Variants in SRP54 observed in about 807,000 individuals in gnomAD.
SRP54 encodes signal recognition particle 54, also known as signal recognition particle subunit SRP54.
In SRP54, 10 loss-of-function variants were observed where a neutral mutation model predicts 64.8. The ratio of observed to expected loss-of-function variants is 0.15; its 90% CI spans 0.10 to 0.26. The LOEUF (loss-of-function observed/expected upper bound fraction) is 0.26. Among genes scored for constraint, SRP54 ranks in the 10% least tolerant of loss-of-function variants. The probability of loss-of-function intolerance (pLI) is 1.00; values close to 1 mark genes in which losing one functional copy is unlikely to be tolerated. For synonymous variants in SRP54, 193 were observed against 185.6 expected, an observed-to-expected ratio of 1.04 and a Z score of -0.32; for missense variants, 325 against 613.7, an observed-to-expected ratio of 0.53 and a Z score of 4.97.
chr14:34,988,584 T>TATATATATATATAACATATATATATAAC (rs2043936551), intron 1 of SRP54, among the ~76,000 whole-genome samples: 1 of 74,916 alleles, frequency 1.3e-5, no homozygotes, highest in African/African-American at 4.5e-5. Flanking sequence ...AAAAAATATA[T>TATATATATATATAACATATATATATAAC]ATATATATAT....
chr14:34,989,069 G>A (rs996466919), intron 1 of SRP54, among the ~76,000 whole-genome samples: 1 of 152,076 alleles, frequency 6.6e-6, no homozygotes. Context: ...TGAATGTTTT[G>A]ATTTGTAGTT....
chr14:35,001,073 C>T (rs1472116920), intron 4 of SRP54, 53 bp downstream of exon 4: 12 of 833,614 alleles, frequency 1.4e-5, no homozygotes, highest in East Asian at 2.8e-5. Context: ...GATAAAAAAG[C>T]GTTAGCACTA....
chr14:35,020,597 T>C (rs1393455127), intron 13 of SRP54, among the ~76,000 whole-genome samples: 2 of 152,222 alleles, frequency 1.3e-5, no homozygotes, highest in Non-Finnish European at 2.9e-5. Context: ...TATTTTTTTG[T>C]AGTCTCTTTT....
intron 2 of SRP54, among the ~76,000 whole-genome samples, chr14:34,999,290 C>T (rs1232870963): frequency 6.6e-6 from 1 of 152,066 alleles, no homozygotes; most frequent in Non-Finnish European, 1.5e-5. Context: ...GTTGGGATTA[C>T]AGGCGTGAGC....
At chr14:34,998,868 A>G (rs1003549101) in intron 2 of SRP54, among the ~76,000 whole-genome samples, 15 of 151,890 alleles carry the variant, frequency 9.9e-5, no homozygotes, top group African/African-American at 3.6e-4. Context: ...ACCACTACAT[A>G]ATAGTGACAG....
chr14:35,013,654 T>TATAG, intron 9 of SRP54, 148 bp from the exon 10 acceptor site: 1 of 1,042,778 alleles, frequency 9.6e-7, no homozygotes, highest in Non-Finnish European at 1.4e-6. Flanking sequence ...GCCTGTCTGA[T>TATAG]ATAGGTCTAT....
At chr14:35,007,597 AAT>A (rs1196005311) in intron 5 of SRP54, among the ~76,000 whole-genome samples, 2 of 146,066 alleles carry the variant, frequency 1.4e-5, no homozygotes, top group Non-Finnish European at 3.0e-5. Context: ...ATTATAATAA[AAT>A]ATATTTACAT....
Position 35,029,362 on chromosome 14 carries a change from G to T in SRP54, c.*210G>T. 4.6e-5 allele frequency: 19 copies of T among 412,452 alleles called. No homozygotes were observed. The highest frequency in any genetic ancestry group is 2.2e-4 in the South Asian group (5 of 22,456). 25.5% of individuals were successfully genotyped at this position (412,452 alleles called of 1,614,324 possible). On this transcript the variant is annotated 3_prime_UTR_variant, in exon 16 of 16. Transcript: ENST00000216774. ...TAAGGGAGAAATACATGGTTTTTGT[G>T]GAAATCATTATATGTTTGCTTTAGA... is the stretch of plus-strand genomic sequence containing the variant.
intron 1 of SRP54, among the ~76,000 whole-genome samples, chr14:34,985,895 C>G (rs903557452): frequency 5.3e-5 from 8 of 152,202 alleles, no homozygotes; most frequent in Non-Finnish European, 1.0e-4. Flanking sequence ...TGAAATAACG[C>G]ATTGCTTGAG....
intron 11 of SRP54, among the ~76,000 whole-genome samples, chr14:35,016,832 T>G (rs808937): frequency 1.7e-5 from 1 of 57,576 alleles, no homozygotes; most frequent in African/African-American, 3.9e-5. Flanking sequence ...TCTTTGCCCC[T>G]TTTTTTTCTT....
In SRP54 at chr14:34,998,992, TGTGTGTGTGTGTGTGTGTGTGG is replaced by T. The variant is rs1170900453; in HGVS notation, c.79-565_79-544del. Among the ~76,000 whole-genome samples the T allele has an allele frequency of 3.5e-3, 335 of 96,634 alleles. 4 individuals carry two copies. The highest frequency in any genetic ancestry group is 0.011 in the African/African-American group (327 of 30,490). 63.4% of individuals were successfully genotyped at this position (96,634 alleles called of 152,430 possible). A position where few individuals can be genotyped will look rare whatever the true frequency, so the allele number is the denominator to read the frequency against. On this transcript the variant is annotated intron_variant, in intron 2 of 15. Coordinates refer to ENST00000216774, the MANE Select transcript of SRP54 (RefSeq NM_003136.4). Reference sequence around the variant, plus strand: ...GTGTGTATGTGTGTGTGTGTGTGTGTGTGTGTGTGTGTGTGTGTGTGGTTTTTTTTTTTTTTTTTTGAGACAA... The same window carrying T: ...GTGTGTATGTGTGTGTGTGTGTGTGTTTTTTTTTTTTTTTTTTTGAGACAA...
chr14:34,988,595 AAC>A (rs1566640552), intron 1 of SRP54, among the ~76,000 whole-genome samples: 4 of 120,280 alleles, frequency 3.3e-5, no homozygotes, highest in African/African-American at 1.2e-4. Context: ...ATATATATAT[AAC>A]ATATATATAT....
At chr14:35,006,247 A>G (rs1191841195) in intron 4 of SRP54, among the ~76,000 whole-genome samples, 1 of 152,238 alleles carries the variant, frequency 6.6e-6, no homozygotes, top group Non-Finnish European at 1.5e-5. Flanking sequence ...CTCTAAATGT[A>G]GTAACTTTAC....
At chr14:35,007,074 T>G (rs562475469) in intron 4 of SRP54, among the ~76,000 whole-genome samples, 11 of 152,110 alleles carry the variant, frequency 7.2e-5, no homozygotes, top group Admixed American at 6.6e-4. Flanking sequence ...GTGCCTGTAG[T>G]CCCAGTTACT....
intron 3 of SRP54, among the ~76,000 whole-genome samples, chr14:35,000,147 AC>A (rs1307775235): frequency 6.6e-6 from 1 of 152,192 alleles, no homozygotes; most frequent in African/African-American, 2.4e-5. Context: ...AGTTGGTAGG[AC>A]ACACAGAGCA....
At chr14:34,993,776 A>G (rs892242254) in intron 1 of SRP54, among the ~76,000 whole-genome samples, 6 of 150,080 alleles carry the variant, frequency 4.0e-5, no homozygotes, top group Non-Finnish European at 5.9e-5. Context: ...GCTCACCGCA[A>G]TCTCCACCTC....
intron 8 of SRP54, among the ~76,000 whole-genome samples, 172 bp from the exon 9 acceptor site, chr14:35,013,174 G>T (rs922946374): frequency 2.0e-5 from 3 of 152,050 alleles, no homozygotes; most frequent in Non-Finnish European, 4.4e-5. Flanking sequence ...GGCCAGGCTG[G>T]TCTTGAACTA....
chr14:35,024,851 C>T (rs935951702), intron 14 of SRP54, among the ~76,000 whole-genome samples: 2 of 151,960 alleles, frequency 1.3e-5, no homozygotes, highest in African/African-American at 2.4e-5. Context: ...CTCAGTCTCC[C>T]GAGTAGCTGG....
Position 35,006,134 on chromosome 14 carries a change from C to T in SRP54, c.256-1149C>T, listed in dbSNP as rs180898168. ...GATTACAGGCATGAGCCACCGCGCC[C>T]GGCCCTAAATGTCCCATGCTTTTTT... On this transcript the variant is annotated intron_variant, in intron 4 of 15. Transcript: ENST00000216774. 3.3e-5 allele frequency among the ~76,000 whole-genome samples: 5 copies of T among 151,844 alleles called. No individual in the cohort carries two copies. In the East Asian group the frequency reaches 5.8e-4, roughly 18 times the overall value.
Sources: gnomAD v4.1 joint callset for allele counts (sites outside exome capture counted in the v4.1 genomes callset) on GRCh38, gnomAD v4.1.1 for gene constraint, MANE v1.5 for transcripts, NCBI Gene and HGNC (gene_info 2026-07-23, HGNC 2026-07-21) for gene names.